MIA3: variants seen among roughly 807,000 people sequenced by gnomAD.
The protein encoded by MIA3 is transport and Golgi organization protein 1 homolog.
MIA3 carries 90 observed loss-of-function variants against 192.4 expected under a neutral mutation model. The ratio of observed to expected loss-of-function variants is 0.47; its 90% CI spans 0.39 to 0.56. MIA3 has a LOEUF of 0.56. Ranked by LOEUF, MIA3 falls within the 20% of genes least tolerant of loss-of-function variation. The pLI is 0.00. For missense variants in MIA3, 2,123 were observed against 2,269.4 expected (o/e 0.94, Z 1.31); for synonymous variants, 740 against 792.8 (o/e 0.93, Z 1.12).
chr1:222,619,625 C>T (rs894698145), intron 1 of MIA3, among the ~76,000 whole-genome samples: 1 of 152,196 alleles, frequency 6.6e-6, no homozygotes, highest in Non-Finnish European at 1.5e-5. Context: ...TTGGCAATGG[C>T]AAGATAGTTG....
intron 4 of MIA3, 114 bp from the exon 5 acceptor site, chr1:222,632,051 T>A: frequency 1.2e-6 from 1 of 804,268 alleles, no homozygotes; most frequent in Non-Finnish European, 2.0e-6. Flanking sequence ...TTGTGCTCCA[T>A]GGGATGCCCA....
intron 3 of MIA3, among the ~76,000 whole-genome samples, chr1:222,626,406 T>A (rs1219848196): frequency 7.2e-5 from 11 of 152,204 alleles, no homozygotes; most frequent in Non-Finnish European, 1.5e-4. Flanking sequence ...TTAAAAAAAT[T>A]GGCTCAGAAG....
intron 13 of MIA3, among the ~76,000 whole-genome samples, chr1:222,652,547 A>G (rs557122700): frequency 3.0e-4 from 46 of 152,358 alleles, no homozygotes; most frequent in African/African-American, 1.1e-3. Flanking sequence ...TTTGGCTATC[A>G]GAGTGTGTAG....
At chr1:222,624,882 C>G (rs575732355) in intron 3 of MIA3, 28 bp downstream of exon 3, 6 of 1,370,070 alleles carry the variant, frequency 4.4e-6, no homozygotes, top group Non-Finnish European at 6.2e-6. Context: ...GTCTTGTTCT[C>G]AGTTATAAGT....
In MIA3 at chr1:222,651,988, C is replaced by T. The variant is rs1451950875; in HGVS notation, c.3921C>T (p.Asn1307=). The change falls in exon 12 of 28, where the codon AAC becomes AAT. Residue 1307 remains asparagine, a synonymous_variant. Transcript: ENST00000344922. ...NVKNQDLISE[N]KKSIEKLKDV... ...TTTTTACATGGCAGATATCAGAAAACAAGAAATCTATAGAGAAGTTAAAGG... is the reference window on the plus strand; with the variant it reads ...TTTTTACATGGCAGATATCAGAAAATAAGAAATCTATAGAGAAGTTAAAGG... 3 of 1,566,664 alleles carry T rather than the reference C, an allele frequency of 1.9e-6. No homozygotes were observed. Among genetic ancestry groups the T allele is most frequent in the African/African-American group, 2.7e-5 (2 of 73,922 alleles).
intron 14 of MIA3, 34 bp downstream of exon 14, chr1:222,653,164 G>A (rs774037859): frequency 1.9e-6 from 3 of 1,595,744 alleles, no homozygotes; most frequent in East Asian, 2.3e-5. Flanking sequence ...CTTAATTCTT[G>A]TGAATTATCA....
At chr1:222,647,124 T>C (rs1272340033) in intron 7 of MIA3, among the ~76,000 whole-genome samples, 1 of 152,224 alleles carries the variant, frequency 6.6e-6, no homozygotes, top group Non-Finnish European at 1.5e-5. Context: ...ATGTACTATT[T>C]TACTCAGAAA....
intron 6 of MIA3, chr1:222,644,281 T>C (rs1220221788): frequency 2.1e-5 from 29 of 1,394,950 alleles, no homozygotes; most frequent in Non-Finnish European, 2.6e-5. Context: ...TGCCTTGAGG[T>C]GCGCCAGGGG....
At position 222,667,169 on chromosome 1, in the gene MIA3, C is replaced by T. The variant is rs1664327540; in HGVS notation, c.*1550C>T. 1 of 152,036 alleles carries T rather than the reference C, an allele frequency of 6.6e-6. No homozygotes were observed. Among genetic ancestry groups the T allele is most frequent in the African/African-American group, 2.4e-5 (1 of 41,390 alleles). 9.4% of individuals were successfully genotyped at this position (152,036 alleles called of 1,614,324 possible). ...GATAGATAGTTTAGAAAGATAAGGA[C>T]CTTTGAAAGAAGACAACTCTGTCAA... On this transcript the variant is annotated 3_prime_UTR_variant, in exon 28 of 28. Coordinates refer to ENST00000344922, the MANE Select transcript of MIA3 (RefSeq NM_198551.4).
chr1:222,655,761 C>A lies in MIA3; in HGVS notation c.4607+968C>A, dbSNP rs139987672. ...CTGCCTCCAATAGTAATGTGAATTA[C>A]GTAAATGGCAACTGTTTTTCTTCGT... On this transcript the variant is annotated intron_variant, in intron 18 of 27. Transcript: ENST00000344922. Among the ~76,000 whole-genome samples the A allele has an allele frequency of 2.2e-4, 33 of 152,194 alleles. No homozygotes were observed. The East Asian group carries it at 6.0e-3, about 28-fold the overall frequency.
Position 222,637,683 on chromosome 1 carries a change from A to AT in MIA3, c.3477+4434_3477+4435insT, listed in dbSNP as rs778221337. 4.3e-4 allele frequency among the ~76,000 whole-genome samples: 13 copies of AT among 29,908 alleles called. 3 individuals are homozygous for AT. Among genetic ancestry groups the AT allele is most frequent in the Non-Finnish European group, 1.3e-3 (9 of 6,802 alleles). The allele number at this position is 29,908 out of a possible 152,430, so 19.6% of individuals were successfully genotyped here. On this transcript the variant is annotated intron_variant, in intron 6 of 27. Transcript: ENST00000344922. ...GGTGTGTTTCTATCCAATCAAGAAT[A>AT]ATTTTTTTTTTTTTTTTTTTTGGTT... is the stretch of plus-strand genomic sequence containing the variant.
chr1:222,652,120 A>G (rs1663472417), intron 12 of MIA3, 72 bp downstream of exon 12: 1 of 1,314,928 alleles, frequency 7.6e-7, no homozygotes, highest in Non-Finnish European at 1.1e-6. Flanking sequence ...AAAATTTGAT[A>G]TATGCTAAAA....
At chr1:222,648,930 T>G (rs1454476361) in intron 8 of MIA3, 80 bp downstream of exon 8, 2 of 929,206 alleles carry the variant, frequency 2.2e-6, no homozygotes, top group Non-Finnish European at 3.3e-6. Context: ...ATAAGTAGTT[T>G]TAGTAACTTC....
chr1:222,648,239 T>C (rs1168368545), intron 7 of MIA3, among the ~76,000 whole-genome samples: 1 of 152,152 alleles, frequency 6.6e-6, no homozygotes, highest in Non-Finnish European at 1.5e-5. Flanking sequence ...ATGAGCACTG[T>C]TTTTAGTGGT....
At chr1:222,632,075 A>T in intron 4 of MIA3, 90 bp from the exon 5 acceptor site, 1 of 1,199,828 alleles carries the variant, frequency 8.3e-7, no homozygotes, top group Admixed American at 2.2e-5. Context: ...ATGGAGGTCA[A>T]TGTTGAGGTG....
chr1:222,661,372 C>T (rs1186948230), intron 24 of MIA3: 3 of 152,506 alleles, frequency 2.0e-5, no homozygotes, highest in African/African-American at 7.2e-5. Context: ...AAATACAATA[C>T]AGTGTTATAA....
intron 1 of MIA3, among the ~76,000 whole-genome samples, chr1:222,618,597 C>T (rs150404756): frequency 1.2e-3 from 188 of 152,334 alleles, no homozygotes; most frequent in Middle Eastern, 6.8e-3. Flanking sequence ...TCCCACCCCC[C>T]CAATCCGCCT....
Position 222,650,593 on chromosome 1 carries a change from T to A in MIA3, c.3721-41T>A, listed in dbSNP as rs532203105. The stretch of plus-strand genomic sequence containing the variant: ...TTGAAAATAAGTTCTGGTAGCACTA[T>A]ACTTTATATTTCTGGATTCTGAATG... On this transcript the variant is annotated intron_variant, in intron 9 of 27. Transcript: ENST00000344922. 8.0e-5 allele frequency: 109 copies of A among 1,366,106 alleles called. 2 individuals are homozygous for A. The South Asian group carries it at 8.5e-4, about 11-fold the overall frequency. 84.6% of individuals were successfully genotyped at this position (1,366,106 alleles called of 1,614,324 possible).
intron 6 of MIA3, among the ~76,000 whole-genome samples, chr1:222,635,917 T>C (rs1361744944): frequency 2.0e-5 from 3 of 152,244 alleles, no homozygotes; most frequent in African/African-American, 7.2e-5. Context: ...TTCATTCTTA[T>C]ACTGACTCCA....
Sources: allele counts gnomAD v4.1 joint callset (sites outside exome capture counted in the v4.1 genomes callset), GRCh38; gene constraint gnomAD v4.1.1; transcripts MANE v1.5; gene names NCBI Gene and HGNC (gene_info 2026-07-23, HGNC 2026-07-21).